The following DPY30 variants were observed in gnomAD, a reference collection of about 807,000 sequenced individuals.
DPY30 encodes protein dpy-30 homolog.
DPY30 carries 6 observed loss-of-function variants against 16.2 expected under a neutral mutation model. The observed-to-expected ratio is 0.37, with a 90% confidence interval of 0.20 to 0.73. The LOEUF (loss-of-function observed/expected upper bound fraction) is 0.73, where lower values mean the gene tolerates loss of function less well. Among genes scored for constraint, DPY30 ranks in the 30% least tolerant of loss-of-function variants. The probability of loss-of-function intolerance (pLI) is 0.51; values close to 1 mark genes in which losing one functional copy is unlikely to be tolerated. For synonymous variants in DPY30, 39 were observed against 38.8 expected, an observed-to-expected ratio of 1.00 and a Z score of -0.02; for missense variants, 73 against 113.1, an observed-to-expected ratio of 0.65 and a Z score of 1.61.
At chr2:32,031,240 C>A (rs1173414110) in intron 3 of DPY30, among the ~76,000 whole-genome samples, 6 of 151,674 alleles carry the variant, frequency 4.0e-5, no homozygotes, top group African/African-American at 1.5e-4. Context: ...GCCAATACGG[C>A]AAAACCCCGT....
At chr2:32,024,690 T>C (rs1246973990) in intron 4 of DPY30, among the ~76,000 whole-genome samples, 1 of 152,206 alleles carries the variant, frequency 6.6e-6, no homozygotes, top group Non-Finnish European at 1.5e-5. Flanking sequence ...TTCTGTGTAA[T>C]ATCCTTCAAT....
chr2:32,019,747 G>A (rs1384723203), downstream of DPY30, among the ~76,000 whole-genome samples: 1 of 148,610 alleles, frequency 6.7e-6, no homozygotes, highest in Non-Finnish European at 1.5e-5. Flanking sequence ...TTGAACCCAG[G>A]AGGCAGAGGT....
intron 3 of DPY30, among the ~76,000 whole-genome samples, 187 bp from the exon 4 acceptor site, chr2:32,029,923 T>G (rs1288889701): frequency 2.6e-5 from 4 of 152,142 alleles, no homozygotes; most frequent in Non-Finnish European, 5.9e-5. Context: ...ATTCAAGCTC[T>G]CTCTCTCCAA....
chr2:32,033,552 A>G (rs1172916872), intron 3 of DPY30, among the ~76,000 whole-genome samples: 1 of 151,946 alleles, frequency 6.6e-6, no homozygotes, highest in Non-Finnish European at 1.5e-5. Flanking sequence ...CATGCCTGTA[A>G]TCCCAGCTAC....
chr2:32,036,732 G>C (rs1036198641), intron 3 of DPY30, among the ~76,000 whole-genome samples: 1 of 148,890 alleles, frequency 6.7e-6, no homozygotes, highest in Admixed American at 6.7e-5. Context: ...GCCGGGCATG[G>C]TTGGCGGGTG....
downstream of DPY30, among the ~76,000 whole-genome samples, chr2:32,018,902 TGTA>T (rs1675112792): frequency 6.6e-6 from 1 of 152,024 alleles, no homozygotes; most frequent in South Asian, 2.1e-4. Context: ...GGCAAGCACC[TGTA>T]GTCCCAGCTA....
chr2:32,025,695 G>A (rs1396046046), intron 4 of DPY30, among the ~76,000 whole-genome samples: 9 of 150,908 alleles, frequency 6.0e-5, no homozygotes, highest in African/African-American at 2.0e-4. Flanking sequence ...CCCAAAGGCA[G>A]AGGTTGCAGT....
At chr2:32,032,970 T>C (rs1347248259) in intron 3 of DPY30, among the ~76,000 whole-genome samples, 2 of 151,970 alleles carry the variant, frequency 1.3e-5, no homozygotes, top group East Asian at 3.9e-4. Flanking sequence ...CACTCTAGCC[T>C]GGGCAACAGA....
At chr2:32,038,760 G>A (rs985534653) in intron 3 of DPY30, among the ~76,000 whole-genome samples, 2 of 149,306 alleles carry the variant, frequency 1.3e-5, no homozygotes, top group African/African-American at 4.9e-5. Flanking sequence ...AGATTCTCTG[G>A]CCTCAGCCAC....
At chr2:32,038,057 T>C (rs1675813170) in intron 3 of DPY30, among the ~76,000 whole-genome samples, 1 of 151,746 alleles carries the variant, frequency 6.6e-6, no homozygotes, top group Non-Finnish European at 1.5e-5. Flanking sequence ...CACCAGAAAG[T>C]ATGTTGGGAG....
chr2:32,035,741 C>G (rs1176892687), intron 3 of DPY30, among the ~76,000 whole-genome samples: 1 of 151,570 alleles, frequency 6.6e-6, no homozygotes, highest in East Asian at 1.9e-4. Flanking sequence ...TGAGACCAGC[C>G]TGACAAACAC....
chr2:32,022,589 C>T (rs143178756), downstream of DPY30, among the ~76,000 whole-genome samples: 382 of 151,974 alleles, frequency 2.5e-3, 2 homozygotes, highest in African/African-American at 8.9e-3. Flanking sequence ...ACAATCTCGG[C>T]TCACTGCAAC....
chr2:32,024,400 T>C (rs1675259200), intron 4 of DPY30, 144 bp from the exon 5 acceptor site: 2 of 667,336 alleles, frequency 3.0e-6, no homozygotes, highest in Non-Finnish European at 4.9e-6. Context: ...ATAAAATAAA[T>C]GAGATAAGCA....
Position 32,039,451 on chromosome 2 carries a change from C to T in DPY30, c.6G>A (p.Glu2=), listed in dbSNP as rs1396436281. 1.2e-6 allele frequency: 2 copies of T among 1,614,162 alleles called. No homozygotes were observed. Among genetic ancestry groups the T allele is most frequent in the Non-Finnish European group, 1.7e-6 (2 of 1,180,034 alleles). ...TTTGTCCCTCCAGCATCTGCTCTGG[C>T]TCCATGGCGGACCCTGCAAGTCACA... M[E]PEQMLEGQTQ... Residue 2 remains glutamate, a synonymous_variant, in exon 2 of 5, where the codon GAG becomes GAA. Coordinates refer to ENST00000342166, the MANE Select transcript of DPY30 (RefSeq NM_001321209.2).
chr2:32,039,630 G>C (rs755368609), intron 1 of DPY30, 103 bp downstream of exon 1: 53 of 751,980 alleles, frequency 7.0e-5, no homozygotes, highest in Non-Finnish European at 1.1e-4. Flanking sequence ...GAGCAGCAGA[G>C]TGGGACAGTC....
At chr2:32,038,647 C>CTTTTT (rs10679637) in intron 3 of DPY30, among the ~76,000 whole-genome samples, 4 of 111,252 alleles carry the variant, frequency 3.6e-5, no homozygotes, top group Admixed American at 1.1e-4. Context: ...TTATTTTTTA[C>CTTTTT]TTTTTTTTTT....
At chr2:32,023,270 A>G (rs1461060061), downstream of DPY30, among the ~76,000 whole-genome samples, 1 of 152,112 alleles carries the variant, frequency 6.6e-6, no homozygotes, top group Non-Finnish European at 1.5e-5. Context: ...CAGTTTCTCT[A>G]TTTTCTGAGC....
chr2:32,029,999 T>C (rs1357384793), intron 3 of DPY30, among the ~76,000 whole-genome samples: 2 of 151,760 alleles, frequency 1.3e-5, no homozygotes, highest in East Asian at 3.9e-4. Context: ...CCTTTCCTTC[T>C]GACTTTGCAG....
At chr2:32,020,080 G>A (rs893230576), downstream of DPY30, among the ~76,000 whole-genome samples, 13 of 151,836 alleles carry the variant, frequency 8.6e-5, no homozygotes, top group Admixed American at 5.9e-4. Flanking sequence ...CTAGCCGGGC[G>A]TGGTGGTGTG....
Sources: allele counts gnomAD v4.1 joint callset (sites outside exome capture counted in the v4.1 genomes callset), GRCh38; gene constraint gnomAD v4.1.1; transcripts MANE v1.5; gene names NCBI Gene and HGNC (gene_info 2026-07-23, HGNC 2026-07-21).